Variants in NT5C3A observed in about 807,000 individuals in gnomAD.
NT5C3A encodes 5'-nucleotidase, cytosolic IIIA.
Under a neutral mutation model 40.0 loss-of-function variants are expected in NT5C3A, and 23 were observed. The ratio of observed to expected loss-of-function variants is 0.58; its 90% CI spans 0.41 to 0.81. The LOEUF (loss-of-function observed/expected upper bound fraction) is 0.81, where lower values mean the gene tolerates loss of function less well. Among genes scored for constraint, NT5C3A ranks in the 40% least tolerant of loss-of-function variants. The probability of loss-of-function intolerance (pLI) is 0.00; values close to 1 mark genes in which losing one functional copy is unlikely to be tolerated. For synonymous variants in NT5C3A, 130 were observed against 141.4 expected, an observed-to-expected ratio of 0.92 and a Z score of 0.57; for missense variants, 328 against 403.0, an observed-to-expected ratio of 0.81 and a Z score of 1.59.
chr7:33,038,559 A>G (rs1786733437), intron 1 of NT5C3A, among the ~76,000 whole-genome samples: 1 of 152,014 alleles, frequency 6.6e-6, no homozygotes, highest in Non-Finnish European at 1.5e-5. Flanking sequence ...TTTCAACTAA[A>G]GATCTTTCAT....
chr7:33,048,104 C>A (rs1787226780), intron 1 of NT5C3A, among the ~76,000 whole-genome samples: 1 of 151,744 alleles, frequency 6.6e-6, no homozygotes, highest in Non-Finnish European at 1.5e-5. Flanking sequence ...ATAGGTAGGT[C>A]AGGTCCAAGA....
rs561421861 is a variant in NT5C3A at position 33,036,083 on chromosome 7, T to C, written c.139-9168A>G. 8.8e-4 allele frequency: 811 copies of C among 924,322 alleles called. 3 individuals carry two copies. Among genetic ancestry groups the C allele is most frequent in the Non-Finnish European group, 1.1e-3 (598 of 568,356 alleles). The allele number at this position is 924,322 out of a possible 1,614,324, so 57.3% of individuals were successfully genotyped here. A position where few individuals can be genotyped will look rare whatever the true frequency, so the allele number is the denominator to read the frequency against. Reference sequence around the variant, plus strand: ...GGTTCTTCCTGTTATGCCAATAATATATTAAGGTGGAATTTTTGGTATGAC... The same window carrying C: ...GGTTCTTCCTGTTATGCCAATAATACATTAAGGTGGAATTTTTGGTATGAC... On this transcript the variant is annotated intron_variant, in intron 1 of 8. Transcript: ENST00000610140.
intron 1 of NT5C3A, among the ~76,000 whole-genome samples, chr7:33,028,193 C>A (rs561587416): frequency 2.6e-4 from 40 of 152,260 alleles, no homozygotes; most frequent in African/African-American, 9.6e-4. Context: ...CCTGTAATCC[C>A]AGCTACTTGG....
intron 1 of NT5C3A, among the ~76,000 whole-genome samples, chr7:33,041,713 A>T (rs929923059): frequency 1.3e-5 from 2 of 152,154 alleles, no homozygotes; most frequent in Non-Finnish European, 2.9e-5. Context: ...GTTAAAAATA[A>T]GAGCAGTCCA....
intron 7 of NT5C3A, 35 bp from the exon 8 acceptor site, chr7:33,015,905 A>G (rs1320486725): frequency 7.1e-7 from 1 of 1,406,174 alleles, no homozygotes. Context: ...ACAGGCTTTA[A>G]AAATTCTATT....
At chr7:33,019,272 T>G (rs971373535) in intron 6 of NT5C3A, among the ~76,000 whole-genome samples, 1 of 151,312 alleles carries the variant, frequency 6.6e-6, no homozygotes, top group African/African-American at 2.4e-5. Context: ...AAAAAAAAAG[T>G]ATACTTAAAT....
chr7:33,035,517 A>C (rs992582828), intron 1 of NT5C3A, among the ~76,000 whole-genome samples: 1 of 152,142 alleles, frequency 6.6e-6, no homozygotes, highest in African/African-American at 2.4e-5. Flanking sequence ...TCTGACTCCA[A>C]AGCCTGTACA....
rs1785303156 is a variant in NT5C3A, at chr7:33,015,992, C to T, written c.694-122G>A. ...CATATTTGTAAATACATCTTTGATA[C>T]TAGAGATCTCAAAGCACTTAAGTCC... On this transcript the variant is annotated intron_variant, in intron 7 of 8. Transcript: ENST00000610140. 5.6e-6 allele frequency: 4 copies of T among 717,910 alleles called. No homozygotes were observed. In the Admixed American group the frequency reaches 6.7e-5, roughly 12 times the overall value. The allele number at this position is 717,910 out of a possible 1,614,324, so 44.5% of individuals were successfully genotyped here. A position where few individuals can be genotyped will look rare whatever the true frequency, so the allele number is the denominator to read the frequency against.
intron 1 of NT5C3A, among the ~76,000 whole-genome samples, chr7:33,040,338 A>C (rs1786852162): frequency 6.6e-6 from 1 of 152,216 alleles, no homozygotes; most frequent in Non-Finnish European, 1.5e-5. Flanking sequence ...TTCAATATAT[A>C]ATTTGTTATA....
At chr7:33,044,337 G>A (rs1787053978) in intron 1 of NT5C3A, among the ~76,000 whole-genome samples, 1 of 152,096 alleles carries the variant, frequency 6.6e-6, no homozygotes, top group African/African-American at 2.4e-5. Flanking sequence ...CACAAGCAAA[G>A]CACTGAATCA....
At chr7:33,019,484 T>C in intron 6 of NT5C3A, 151 bp downstream of exon 6, 2 of 666,250 alleles carry the variant, frequency 3.0e-6, no homozygotes, top group Non-Finnish European at 5.5e-6. Context: ...TTCCTTATCT[T>C]ACCACTATGT....
intron 1 of NT5C3A, among the ~76,000 whole-genome samples, chr7:33,039,752 G>A (rs560155399): frequency 1.3e-5 from 2 of 151,178 alleles, no homozygotes; most frequent in Non-Finnish European, 2.9e-5. Flanking sequence ...TCTCAATACA[G>A]GCATAAAACA....
chr7:33,030,930 T>A (rs1474583707), intron 1 of NT5C3A, among the ~76,000 whole-genome samples: 1 of 151,580 alleles, frequency 6.6e-6, no homozygotes, highest in African/African-American at 2.4e-5. Context: ...AAACCCTGTC[T>A]CTACTAAAAA....
intron 1 of NT5C3A, among the ~76,000 whole-genome samples, chr7:33,060,165 C>T (rs997834458): frequency 6.6e-6 from 1 of 152,146 alleles, no homozygotes; most frequent in Non-Finnish European, 1.5e-5. Context: ...GCCGCCCAGG[C>T]TGGTCTCGAA....
intron 1 of NT5C3A, chr7:33,027,116 C>T (rs1785986365): frequency 2.1e-6 from 1 of 468,768 alleles, no homozygotes; most frequent in African/African-American, 2.0e-5. Context: ...GTCACCCCGG[C>T]TGGAGTGCAG....
At chr7:33,051,997 CT>C (rs1481977148) in intron 1 of NT5C3A, among the ~76,000 whole-genome samples, 2 of 152,200 alleles carry the variant, frequency 1.3e-5, no homozygotes, top group Non-Finnish European at 2.9e-5. Flanking sequence ...TGAAGTCTCC[CT>C]TCCTGGTCTC....
At chr7:33,026,714 G>T in intron 2 of NT5C3A, 103 bp downstream of exon 2, 1 of 782,526 alleles carries the variant, frequency 1.3e-6, no homozygotes, top group South Asian at 1.4e-5. Context: ...GGCTGGTCTC[G>T]AACTCCTGGG....
intron 1 of NT5C3A, among the ~76,000 whole-genome samples, chr7:33,046,525 T>C (rs911095942): frequency 7.3e-5 from 6 of 82,494 alleles, no homozygotes; most frequent in Non-Finnish European, 1.2e-4. Context: ...CAGGGGGAGG[T>C]TGTCTCAAAA....
intron 3 of NT5C3A, among the ~76,000 whole-genome samples, chr7:33,022,869 G>A (rs1785702689): frequency 6.6e-6 from 1 of 151,114 alleles, no homozygotes; most frequent in Non-Finnish European, 1.5e-5. Flanking sequence ...GAGATTATTA[G>A]AAATTCTCCA....
Sources: gnomAD v4.1 joint callset for allele counts (sites outside exome capture counted in the v4.1 genomes callset) on GRCh38, gnomAD v4.1.1 for gene constraint, MANE v1.5 for transcripts, NCBI Gene and HGNC (gene_info 2026-07-23, HGNC 2026-07-21) for gene names.